The following SCAF4 variants were observed in gnomAD, a reference collection of about 807,000 sequenced individuals.
The protein encoded by SCAF4 is SR-related and CTD-associated factor 4.
SCAF4 carries 25 observed loss-of-function variants against 129.8 expected under a neutral mutation model. The observed-to-expected ratio is 0.19, with a 90% CI of 0.14 to 0.27. The LOEUF is 0.27. SCAF4 is among the 10% of genes least tolerant of loss of function. The pLI, the probability that SCAF4 is intolerant of heterozygous loss-of-function variation, is 1.00. For synonymous variants in SCAF4, 551 were observed against 497.7 expected (o/e 1.11, Z -1.43); for missense variants, 1,246 against 1,457.1 (o/e 0.86, Z 2.36).
intron 19 of SCAF4, among the ~76,000 whole-genome samples, chr21:31,680,734 C>T (rs1277629242): frequency 6.6e-6 from 1 of 152,190 alleles, no homozygotes; most frequent in Non-Finnish European, 1.5e-5. Flanking sequence ...TAGTGCATTA[C>T]TAGTAGACTG....
rs2049714525 is a variant in SCAF4, at chr21:31,671,974, G to C, written c.2869C>G (p.Gln957Glu). ...PQQQPQPQAP[Q>E]QPQQQQQQQP... Reference sequence around the variant, plus strand: ...TGCTGCTGCTGCTGCTGTGGTTGCTGGGGCGCCTGCGGCTGTGGCTGCTGC... The same window carrying C: ...TGCTGCTGCTGCTGCTGTGGTTGCTCGGGCGCCTGCGGCTGTGGCTGCTGC... The change falls in exon 20 of 20, where the codon CAG (glutamine) becomes GAG (glutamate). Residue 957 changes from glutamine to glutamate, a missense_variant. Physicochemically the swap from Gln to Glu is conservative, Grantham distance 29. Coordinates refer to ENST00000286835, the MANE Select transcript of SCAF4 (RefSeq NM_020706.2). 1.9e-6 allele frequency: 3 copies of C among 1,610,898 alleles called. No individual in the cohort carries two copies. The East Asian group carries it at 6.7e-5, about 36-fold the overall frequency.
chr21:31,695,007 G>A (rs779714010), intron 9 of SCAF4, 27 bp from the exon 10 acceptor site: 3 of 1,566,262 alleles, frequency 1.9e-6, no homozygotes, highest in South Asian at 1.2e-5. Context: ...AAGTGTATGA[G>A]TAATAGCTAT....
chr21:31,710,794 C>T (rs1238376324), intron 1 of SCAF4, among the ~76,000 whole-genome samples: 1 of 152,160 alleles, frequency 6.6e-6, no homozygotes, highest in African/African-American at 2.4e-5. Flanking sequence ...AAAGTGATTC[C>T]AAATTCCAAC....
chr21:31,709,512 A>T (rs2050749656), intron 1 of SCAF4, among the ~76,000 whole-genome samples: 1 of 152,192 alleles, frequency 6.6e-6, no homozygotes, highest in South Asian at 2.1e-4. Context: ...AGCAGTAAGC[A>T]ACTCACTAAA....
Position 31,688,450 on chromosome 21 carries a change from G to A in SCAF4, c.1900C>T (p.Pro634Ser). ...GCAACTTCATTTTCAGGCTTCTTAG[G>A]AATTCCTTTCCAATCTGTGAGCGTG... The part of the protein sequence containing the change: ...DTLNPDWKGI[P>S]KKPENEVAQN... Residue 634 changes from proline to serine, a missense_variant, in exon 16 of 20, where the codon CCT (proline) becomes TCT (serine). By Grantham distance (74) the Pro-to-Ser change is moderately conservative (BLOSUM62 -1). This residue lies in a region of SCAF4 where 468 missense variants were observed against 605.5 expected (regional missense o/e 0.77). Coordinates refer to ENST00000286835, the MANE Select transcript of SCAF4 (RefSeq NM_020706.2). 2 of 1,613,640 alleles carry A rather than the reference G, an allele frequency of 1.2e-6. No individual in the cohort carries two copies. Among genetic ancestry groups the A allele is most frequent in the Non-Finnish European group, 1.7e-6 (2 of 1,179,740 alleles).
intron 1 of SCAF4, among the ~76,000 whole-genome samples, chr21:31,713,756 T>TGGGGGGGGGGGG (rs376619988): frequency 7.2e-5 from 7 of 96,774 alleles, no homozygotes; most frequent in Admixed American, 1.1e-4. Context: ...GGGGGTGGGG[T>TGGGGGGGGGGGG]GGGGGGGGCA....
At chr21:31,724,994 C>T (rs2051166481) in intron 1 of SCAF4, among the ~76,000 whole-genome samples, 1 of 152,186 alleles carries the variant, frequency 6.6e-6, no homozygotes, top group Admixed American at 6.5e-5. Flanking sequence ...ACTATAAAGC[C>T]AGACCAATAC....
At chr21:31,692,803 C>T (rs79638260) in intron 12 of SCAF4, among the ~76,000 whole-genome samples, 2,977 of 152,314 alleles carry the variant, frequency 0.02, 45 homozygotes, top group Middle Eastern at 0.048. Flanking sequence ...TGATTACCAA[C>T]CAGCTCAGTG....
chr21:31,697,171 A>G (rs1352045433), intron 7 of SCAF4, among the ~76,000 whole-genome samples: 3 of 152,198 alleles, frequency 2.0e-5, no homozygotes, highest in Non-Finnish European at 2.9e-5. Context: ...TAATGCATAT[A>G]GAAAAGTGTC....
intron 1 of SCAF4, among the ~76,000 whole-genome samples, chr21:31,709,421 A>T (rs1285423882): frequency 6.6e-6 from 1 of 152,128 alleles, no homozygotes; most frequent in Non-Finnish European, 1.5e-5. Flanking sequence ...GGTCATTAAA[A>T]GCTTAGAGTA....
chr21:31,678,555 G>T (rs2049920098), intron 19 of SCAF4, among the ~76,000 whole-genome samples: 1 of 144,926 alleles, frequency 6.9e-6, no homozygotes, highest in Non-Finnish European at 1.6e-5. Context: ...ATGGATAAAA[G>T]ACTCTACACC....
At chr21:31,699,885 T>C (rs1484590288) in intron 7 of SCAF4, among the ~76,000 whole-genome samples, 2 of 152,210 alleles carry the variant, frequency 1.3e-5, no homozygotes, top group Non-Finnish European at 2.9e-5. Flanking sequence ...ATATCCTTAG[T>C]GGCAGCTTCT....
In SCAF4 at chr21:31,679,019, T is replaced by C. The variant is rs117188312; in HGVS notation, c.2488+6030A>G. On this transcript the variant is annotated intron_variant, in intron 19 of 19. Coordinates refer to ENST00000286835, the MANE Select transcript of SCAF4 (RefSeq NM_020706.2). ...GAGTGAATGGTGTTTGCAGAGGTGA[T>C]GACCAAACTCATCAAGGAGAAGATA... Among the ~76,000 whole-genome samples the C allele has an allele frequency of 7.8e-3, 1,182 of 152,280 alleles. 4 individuals are homozygous for C. Among genetic ancestry groups the C allele is most frequent in the Non-Finnish European group, 0.012 (841 of 68,026 alleles).
At chr21:31,685,025 T>C in intron 19 of SCAF4, 24 bp downstream of exon 19, 1 of 1,385,240 alleles carries the variant, frequency 7.2e-7, no homozygotes, top group Non-Finnish European at 1.0e-6. Context: ...CAAGGAAAAC[T>C]AATGATAAAA....
At chr21:31,724,603 T>C (rs1376043173) in intron 1 of SCAF4, among the ~76,000 whole-genome samples, 1 of 152,206 alleles carries the variant, frequency 6.6e-6, no homozygotes, top group Non-Finnish European at 1.5e-5. Flanking sequence ...CAAATGAGAT[T>C]TGAGTGTGCG....
intron 2 of SCAF4, 27 bp from the exon 3 acceptor site, chr21:31,705,494 G>C: frequency 9.2e-7 from 1 of 1,092,620 alleles, no homozygotes; most frequent in Non-Finnish European, 1.3e-6. Context: ...GAAAATTACT[G>C]TTCAGTTTAC....
chr21:31,713,810 A>G (rs780556452), intron 1 of SCAF4, among the ~76,000 whole-genome samples: 1 of 152,162 alleles, frequency 6.6e-6, no homozygotes, highest in Non-Finnish European at 1.5e-5. Flanking sequence ...CATGTTTTTC[A>G]ATCAAGTTTA....
chr21:31,683,515 T>C (rs988972020), intron 19 of SCAF4, among the ~76,000 whole-genome samples: 14 of 152,176 alleles, frequency 9.2e-5, no homozygotes, highest in African/African-American at 3.4e-4. Flanking sequence ...CTGGAGTTCA[T>C]GAGATCTTTT....
At chr21:31,685,536 T>A in intron 17 of SCAF4, 32 bp downstream of exon 17, 1 of 1,614,006 alleles carries the variant, frequency 6.2e-7, no homozygotes, top group Non-Finnish European at 8.5e-7. Context: ...CATCGCAGGC[T>A]CTAAAGTATG....
Sources: allele counts gnomAD v4.1 joint callset (sites outside exome capture counted in the v4.1 genomes callset), GRCh38; gene constraint gnomAD v4.1.1; regional missense constraint gnomAD v4.1.1; transcripts MANE v1.5; gene names NCBI Gene and HGNC (gene_info 2026-07-23, HGNC 2026-07-21).